Variants in MAP4K1 observed in about 807,000 individuals in gnomAD.
MAP4K1 encodes MAPK/ERK kinase kinase kinase 1.
In MAP4K1, 35 loss-of-function variants were observed where a neutral mutation model predicts 122.8. The ratio of observed to expected loss-of-function variants is 0.29; its 90% CI spans 0.22 to 0.38. The LOEUF is 0.38. Ranked by LOEUF, MAP4K1 falls within the 10% of genes least tolerant of loss-of-function variation. MAP4K1 has a pLI of 1.00. For missense variants in MAP4K1, 791 were observed against 1,072.6 expected, an observed-to-expected ratio of 0.74 and a Z score of 3.67; for synonymous variants, 412 against 421.3, an observed-to-expected ratio of 0.98 and a Z score of 0.27.
chr19:38,606,823 C>T (rs576039504), intron 16 of MAP4K1, among the ~76,000 whole-genome samples: 11 of 152,350 alleles, frequency 7.2e-5, no homozygotes, highest in East Asian at 1.9e-4. Context: ...ACATCAGCGC[C>T]GTGGCCCTGC....
At chr19:38,602,223 A>G (rs1407753391) in intron 19 of MAP4K1, among the ~76,000 whole-genome samples, 1 of 151,844 alleles carries the variant, frequency 6.6e-6, no homozygotes, top group Non-Finnish European at 1.5e-5. Context: ...TTACTGGCAC[A>G]CAACACCACG....
In MAP4K1 at chr19:38,597,184, C is replaced by T; in HGVS notation, c.1838-47G>A. On this transcript the variant is annotated intron_variant, in intron 24 of 30. Transcript: ENST00000396857. The surrounding 1 kb of genome is among the most constrained non-coding windows in gnomAD (Gnocchi z 4.6). ...GTCAAGATCAATGCCCTCTATCCTC[C>T]TCGCCACCCACACTACCACCCATCT... The T allele has an allele frequency of 1.2e-6, 2 of 1,604,118 alleles. No homozygotes were observed. Among genetic ancestry groups the T allele is most frequent in the East Asian group, 2.2e-5 (1 of 44,820 alleles).
Position 38,596,327 on chromosome 19 carries a change from C to T in MAP4K1, c.2101G>A (p.Gly701Ser). 1 of 1,589,310 alleles carries T rather than the reference C, an allele frequency of 6.3e-7. No individual in the cohort carries two copies. The highest frequency in any genetic ancestry group is 8.6e-7 in the Non-Finnish European group (1 of 1,166,762). Residue 701 changes from glycine to serine, a missense_variant, in exon 26 of 31, where the codon GGC (glycine) becomes AGC (serine). Transcript: ENST00000396857. ...VRFGALSCWL[G>S]EMSTEHRGPV... ...CCCCACTCACCGGTGCTCATCTCGC[C>T]CAGCCAGCAAGAGAGCGCGCCAAAG...
intron 30 of MAP4K1, among the ~76,000 whole-genome samples, chr19:38,590,744 G>A (rs58139204): frequency 0.02 from 3,031 of 151,892 alleles, 93 homozygotes; most frequent in African/African-American, 0.064. Context: ...CAAAGTGCTG[G>A]GATGACAGGC....
At chr19:38,591,237 ATT>A (rs1230718369) in intron 30 of MAP4K1, among the ~76,000 whole-genome samples, 1 of 151,852 alleles carries the variant, frequency 6.6e-6, no homozygotes, top group Non-Finnish European at 1.5e-5. Context: ...GGTTAAAAAG[ATT>A]AACATCTGGC....
chr19:38,605,508 G>A lies in MAP4K1; in HGVS notation c.1364-17C>T. 6.4e-7 allele frequency: 1 copy of A among 1,560,374 alleles called. No individual in the cohort carries two copies. The highest frequency in any genetic ancestry group is 8.7e-7 in the Non-Finnish European group (1 of 1,154,640). ...GTGAGGGTTCTGAGAGGGGTTAGGA[G>A]AAAATCAGCCCCCAAGAACCCCCAA... On this transcript the variant is annotated splice_polypyrimidine_tract_variant and intron_variant, in intron 18 of 30. Transcript: ENST00000396857.
At chr19:38,594,707 G>C (rs1974817734) in intron 29 of MAP4K1, among the ~76,000 whole-genome samples, 1 of 151,974 alleles carries the variant, frequency 6.6e-6, no homozygotes. Context: ...GTGAGGCCAA[G>C]GAAGGCAGAT....
At chr19:38,611,209 C>T in intron 10 of MAP4K1, 34 bp downstream of exon 10, 1 of 1,607,526 alleles carries the variant, frequency 6.2e-7, no homozygotes, top group Non-Finnish European at 8.5e-7. Flanking sequence ...CAGCCCTGCC[C>T]TCTCTCACCC....
intron 20 of MAP4K1, 74 bp downstream of exon 20, chr19:38,601,367 C>T (rs1975058134): frequency 7.2e-7 from 1 of 1,389,758 alleles, no homozygotes; most frequent in African/African-American, 1.4e-5. Flanking sequence ...TTGTGCCTTC[C>T]TTAGGCTTCT....
chr19:38,602,600 G>C (rs1361600632), intron 19 of MAP4K1, among the ~76,000 whole-genome samples: 1 of 102,474 alleles, frequency 9.8e-6, no homozygotes, highest in Non-Finnish European at 2.1e-5. Context: ...ACATATATAC[G>C]CATATACATA....
Position 38,605,746 on chromosome 19 carries a change from T to A in MAP4K1, c.1201-16A>T. The A allele has an allele frequency of 6.2e-7, 1 of 1,600,470 alleles. No homozygotes were observed. On this transcript the variant is annotated splice_polypyrimidine_tract_variant and intron_variant, in intron 17 of 30. Transcript: ENST00000396857. Reference sequence around the variant, plus strand: ...GGAACTTGGGCTTTGGAGACGGGAATGGAGCGTGGGGAAATACATCAGATG... The same window carrying A: ...GGAACTTGGGCTTTGGAGACGGGAAAGGAGCGTGGGGAAATACATCAGATG...
At chr19:38,615,737 G>A (rs1053239061) in intron 4 of MAP4K1, among the ~76,000 whole-genome samples, 1 of 151,974 alleles carries the variant, frequency 6.6e-6, no homozygotes, top group Admixed American at 6.6e-5. Flanking sequence ...GGAATCAGAG[G>A]TTTTCCGCCT....
chr19:38,614,314 G>C, intron 5 of MAP4K1, 22 bp from the exon 6 acceptor site: 1 of 1,614,184 alleles, frequency 6.2e-7, no homozygotes, highest in Non-Finnish European at 8.5e-7. Context: ...GGTGGACAAG[G>C]GGACAGTGAG....
intron 6 of MAP4K1, 60 bp from the exon 7 acceptor site, chr19:38,614,145 A>T (rs1443576401): frequency 4.3e-6 from 7 of 1,610,360 alleles, no homozygotes; most frequent in Admixed American, 3.3e-5. Flanking sequence ...GTGCTAGCCC[A>T]CTCCGCCAGC....
chr19:38,608,842 G>A (rs1165770102), intron 13 of MAP4K1, among the ~76,000 whole-genome samples: 4 of 141,248 alleles, frequency 2.8e-5, no homozygotes, highest in Admixed American at 7.5e-5. Flanking sequence ...TTAGCCACGC[G>A]TGGTGAATAA....
chr19:38,600,304 A>G (rs1975021846), intron 20 of MAP4K1, 151 bp from the exon 21 acceptor site: 1 of 674,528 alleles, frequency 1.5e-6, no homozygotes, highest in Admixed American at 2.4e-5. Flanking sequence ...TGTTTCCCCA[A>G]ACAAAGCCAG....
intron 11 of MAP4K1, 134 bp downstream of exon 11, chr19:38,610,917 C>A: frequency 1.3e-6 from 1 of 768,638 alleles, no homozygotes. Flanking sequence ...GGGGGTGGTC[C>A]TGGGAAATTC....
At chr19:38,609,059 G>A (rs1044061389) in intron 13 of MAP4K1, among the ~76,000 whole-genome samples, 48 of 152,092 alleles carry the variant, frequency 3.2e-4, no homozygotes, top group Admixed American at 5.9e-4. Flanking sequence ...TTCAGGATCC[G>A]TTTGGGTATT....
At chr19:38,593,789 G>A (rs186817048) in intron 29 of MAP4K1, among the ~76,000 whole-genome samples, 14 of 152,304 alleles carry the variant, frequency 9.2e-5, no homozygotes, top group African/African-American at 2.9e-4. Context: ...GGTGAGGCAC[G>A]AGAATCGCTT....
Sources: gnomAD v4.1 joint callset for allele counts (sites outside exome capture counted in the v4.1 genomes callset) on GRCh38, gnomAD v4.1.1 for gene constraint, Gnocchi (gnomAD v3.1) non-coding constraint, MANE v1.5 for transcripts, NCBI Gene and HGNC (gene_info 2026-07-23, HGNC 2026-07-21) for gene names.